Variants in SYTL2 observed in about 807,000 individuals in gnomAD.
SYTL2 encodes synaptotagmin like 2.
A neutral mutation model predicts 198.7 loss-of-function variants in SYTL2; 165 were observed. The observed-to-expected ratio is 0.83, with a 90% CI of 0.73 to 0.94. The LOEUF (loss-of-function observed/expected upper bound fraction) is 0.94. Among genes scored for constraint, SYTL2 ranks in the 40% least tolerant of loss-of-function variants. SYTL2 has a pLI of 0.00. For synonymous variants in SYTL2, 966 were observed against 917.7 expected (o/e 1.05, Z -0.95); for missense variants, 2,835 against 2,582.8 (o/e 1.10, Z -2.12).
At chr11:85,761,941 G>A (rs1384967459) in intron 1 of SYTL2, among the ~76,000 whole-genome samples, 3 of 152,186 alleles carry the variant, frequency 2.0e-5, no homozygotes, top group Non-Finnish European at 2.9e-5. Context: ...TTACAGGCAT[G>A]AGCCACCACA....
chr11:85,720,189 C>T (rs2153452827), intron 9 of SYTL2, among the ~76,000 whole-genome samples: 1 of 152,196 alleles, frequency 6.6e-6, no homozygotes, highest in African/African-American at 2.4e-5. Flanking sequence ...GTTCCAGTAT[C>T]TAGAAGAAAA....
At chr11:85,700,150 G>A (rs2084046207) in intron 17 of SYTL2, among the ~76,000 whole-genome samples, 1 of 152,060 alleles carries the variant, frequency 6.6e-6, no homozygotes, top group Admixed American at 6.6e-5. Flanking sequence ...GTAAAATGAT[G>A]ATTACCAGAA....
chr11:85,792,430 G>T (rs1339599802), intron 1 of SYTL2, among the ~76,000 whole-genome samples: 1 of 152,018 alleles, frequency 6.6e-6, no homozygotes, highest in East Asian at 1.9e-4. Flanking sequence ...CCCATTTAAT[G>T]AAAACCATCT....
the SYTL2 span, chr11:85,854,249 G>A: frequency 1.4e-5 from 2 of 147,150 alleles, no homozygotes; most frequent in African/African-American, 2.6e-5. Flanking sequence ...ATCAAGAACT[G>A]TTATTTCTAA....
At chr11:85,827,094 C>A in the SYTL2 span, among the ~76,000 whole-genome samples, 1 of 152,182 alleles carries the variant, frequency 6.6e-6, no homozygotes, top group Non-Finnish European at 1.5e-5. Context: ...TCAGAGGGGA[C>A]CTGGTGGCTT....
intron 1 of SYTL2, among the ~76,000 whole-genome samples, chr11:85,763,562 C>A (rs2092154759): frequency 1.3e-5 from 2 of 152,172 alleles, no homozygotes; most frequent in South Asian, 4.1e-4. Flanking sequence ...CAGATAGCAT[C>A]TTCTGCTTTC....
chr11:85,729,810 A>G (rs1388243769), intron 7 of SYTL2, among the ~76,000 whole-genome samples: 1 of 152,070 alleles, frequency 6.6e-6, no homozygotes, highest in Non-Finnish European at 1.5e-5. Flanking sequence ...GAGCAGGTTC[A>G]GGTTTTTTGA....
chr11:85,741,071 G>GTT, intron 4 of SYTL2, among the ~76,000 whole-genome samples: 2 of 145,738 alleles, frequency 1.4e-5, no homozygotes, highest in Admixed American at 6.8e-5. Context: ...TTTTTCTGAG[G>GTT]TTTTTTTTTT....
intron 4 of SYTL2, among the ~76,000 whole-genome samples, chr11:85,738,886 G>A (rs1277879165): frequency 2.6e-5 from 4 of 152,022 alleles, no homozygotes; most frequent in Non-Finnish European, 5.9e-5. Flanking sequence ...AAGCCCAAAG[G>A]ATAAGCAGAG....
Position 85,727,539 on chromosome 11 carries a change from T to G in SYTL2, c.1819A>C (p.Asn607His). The G allele has an allele frequency of 6.5e-7, 1 of 1,536,096 alleles. No individual in the cohort carries two copies. Among genetic ancestry groups the G allele is most frequent in the South Asian group, 1.2e-5 (1 of 84,058 alleles). Residue 607 changes from asparagine (N) to histidine (H), a missense_variant, in exon 8 of 20, where the codon AAT (asparagine) becomes CAT (histidine). Coordinates refer to ENST00000359152, the MANE Select transcript of SYTL2 (RefSeq NM_206927.4). ...DMLVSESCQD[N>H]NVNIKSKFMN... ...AATTTGGATTTGATATTCACATTAT[T>G]ATCTTGGCAACTTTCAGAAACCAGC...
chr11:85,755,575 G>C (rs2091815339), intron 2 of SYTL2, among the ~76,000 whole-genome samples: 1 of 152,186 alleles, frequency 6.6e-6, no homozygotes, highest in Admixed American at 6.5e-5. Context: ...CGCTGAAGTT[G>C]TAGATTGGCT....
rs777720277 is a variant in SYTL2, at chr11:85,744,213, C to T, written c.389+1424G>A. 7.2e-5 allele frequency among the ~76,000 whole-genome samples: 11 copies of T among 152,104 alleles called. No individual in the cohort carries two copies. The East Asian group carries it at 7.7e-4, about 11-fold the overall frequency. Reference sequence around the variant, plus strand: ...GCTTCCATTTCTTGAGCACTTACTACGTGCTAATGGGCTGCACTGGGAATT... The same window carrying T: ...GCTTCCATTTCTTGAGCACTTACTATGTGCTAATGGGCTGCACTGGGAATT... On this transcript the variant is annotated intron_variant, in intron 4 of 19. Coordinates refer to ENST00000359152, the MANE Select transcript of SYTL2 (RefSeq NM_206927.4).
chr11:85,719,586 C>T (rs895683217), intron 9 of SYTL2, among the ~76,000 whole-genome samples: 2 of 151,922 alleles, frequency 1.3e-5, no homozygotes, highest in South Asian at 2.1e-4. Context: ...ACAAAGGATT[C>T]GACTCGCCTT....
chr11:85,785,476 TAAAAAG>T lies in SYTL2; in HGVS notation c.-390+25472_-390+25477del, dbSNP rs553117027. 1.8e-3 allele frequency among the ~76,000 whole-genome samples: 267 copies of T among 152,304 alleles called. 1 individual carries two copies. Among genetic ancestry groups the T allele is most frequent in the Non-Finnish European group, 2.9e-3 (196 of 68,020 alleles). On this transcript the variant is annotated intron_variant, in intron 1 of 19. Transcript: ENST00000359152. ...TAAAAATCCTTGTCTAACAGTTTTA[TAAAAAG>T]AAAAACAGATCTTAAAACAATTGTT... is the stretch of plus-strand genomic sequence containing the variant.
chr11:85,727,538 T>C lies in SYTL2; in HGVS notation c.1820A>G (p.Asn607Ser). 1 of 1,536,106 alleles carries C rather than the reference T, an allele frequency of 6.5e-7. No individual in the cohort carries two copies. The highest frequency in any genetic ancestry group is 8.7e-7 in the Non-Finnish European group (1 of 1,146,874). Residue 607 changes from asparagine to serine, a missense_variant, in exon 8 of 20, where the codon AAT (asparagine) becomes AGT (serine). By Grantham distance (46) the Asn-to-Ser change is conservative (BLOSUM62 1). Transcript: ENST00000359152. ...DMLVSESCQDNNVNIKSKFMN... is the reference protein window; with the variant it reads ...DMLVSESCQDSNVNIKSKFMN... ...GAATTTGGATTTGATATTCACATTA[T>C]TATCTTGGCAACTTTCAGAAACCAG...
chr11:85,734,922 G>C (rs76340921), intron 6 of SYTL2, among the ~76,000 whole-genome samples, 180 bp from the exon 7 acceptor site: 3,191 of 152,324 alleles, frequency 0.021, 65 homozygotes, highest in Admixed American at 0.038. Flanking sequence ...TTGGAGCACA[G>C]AGGACTTTTA....
At chr11:85,847,435 T>C in the SYTL2 span, among the ~76,000 whole-genome samples, 1 of 152,220 alleles carries the variant, frequency 6.6e-6, no homozygotes, top group Admixed American at 6.5e-5. Context: ...TTTTATTAAG[T>C]AGTATTACAA....
chr11:85,755,771 G>A (rs923781920), intron 2 of SYTL2, among the ~76,000 whole-genome samples: 2 of 152,156 alleles, frequency 1.3e-5, no homozygotes, highest in Non-Finnish European at 2.9e-5. Context: ...AGAAAAGATA[G>A]AAGGGAGGGA....
chr11:85,833,331 C>G, the SYTL2 span, among the ~76,000 whole-genome samples: 3 of 146,686 alleles, frequency 2.0e-5, no homozygotes, highest in East Asian at 2.0e-4. Context: ...CAATATATAT[C>G]ATATATATCA....
Sources: allele counts gnomAD v4.1 joint callset (sites outside exome capture counted in the v4.1 genomes callset), GRCh38; gene constraint gnomAD v4.1.1; transcripts MANE v1.5; gene names NCBI Gene and HGNC (gene_info 2026-07-23, HGNC 2026-07-21).